The following SLC8A3 variants were observed in gnomAD, a reference collection of about 807,000 sequenced individuals.
SLC8A3 encodes the protein solute carrier family 8 member A3, also known as sodium/calcium exchanger 3.
SLC8A3 carries 37 observed loss-of-function variants against 65.4 expected under a neutral mutation model. The ratio of observed to expected loss-of-function variants is 0.57; its 90% CI spans 0.44 to 0.74. The LOEUF (loss-of-function observed/expected upper bound fraction) is 0.74, where lower values mean the gene tolerates loss of function less well. Ranked by LOEUF, SLC8A3 falls within the 30% of genes least tolerant of loss-of-function variation. The pLI is 0.00. For missense variants in SLC8A3, 1,112 were observed against 1,172.1 expected (o/e 0.95, Z 0.75); for synonymous variants, 461 against 444.5 (o/e 1.04, Z -0.47).
intron 2 of SLC8A3, among the ~76,000 whole-genome samples, chr14:70,069,899 C>T (rs1026530385): frequency 3.5e-4 from 54 of 152,140 alleles, no homozygotes; most frequent in Non-Finnish European, 1.2e-4. Flanking sequence ...TGGGGTGGGG[C>T]CTGAGAGCCT....
intron 2 of SLC8A3, among the ~76,000 whole-genome samples, chr14:70,105,786 GA>G (rs201829206): frequency 4.0e-5 from 6 of 150,930 alleles, no homozygotes; most frequent in East Asian, 1.9e-4. Flanking sequence ...AACCTTACAA[GA>G]AAAAAAAATT....
chr14:70,169,469 A>G (rs1172087872), intron 1 of SLC8A3, among the ~76,000 whole-genome samples: 1 of 152,176 alleles, frequency 6.6e-6, no homozygotes, highest in African/African-American at 2.4e-5. Context: ...TTAATAAAAC[A>G]TGCAAATGTC....
chr14:70,167,980 A>C lies in SLC8A3; in HGVS notation c.443T>G (p.Ile148Arg). Residue 148 changes from isoleucine (I) to arginine (R), a missense_variant, in exon 2 of 7, where the codon ATA (isoleucine) becomes AGA (arginine). Ile to Arg is a moderately conservative substitution (Grantham distance 97). Transcript: ENST00000356921. ...LMALGSSAPE[I>R]LLSLIEVCGH... is the part of the protein sequence containing the mutation. ...ACACACCTCAATTAAAGAGAGGAGT[A>C]TCTCAGGAGCAGAGGAACCCAGGGC... 6.2e-7 allele frequency: 1 copy of C among 1,614,178 alleles called. No homozygotes were observed. The highest frequency in any genetic ancestry group is 8.5e-7 in the Non-Finnish European group (1 of 1,180,006).
intron 2 of SLC8A3, among the ~76,000 whole-genome samples, chr14:70,147,637 T>C (rs906244384): frequency 1.3e-5 from 2 of 152,166 alleles, no homozygotes; most frequent in African/African-American, 4.8e-5. Flanking sequence ...TTAAAAGATG[T>C]GAGAGATTCT....
At chr14:70,186,977 C>T (rs117714532) in intron 1 of SLC8A3, 1 of 152,274 alleles carries the variant, frequency 6.6e-6, no homozygotes. Flanking sequence ...GAAGATTAAT[C>T]ACACGCCGCT....
intron 2 of SLC8A3, among the ~76,000 whole-genome samples, chr14:70,093,663 C>A (rs1326327419): frequency 6.6e-6 from 1 of 152,350 alleles, no homozygotes; most frequent in African/African-American, 2.4e-5. Context: ...TGGCCTCATG[C>A]ACCTTTGTCA....
chr14:70,151,913 C>T (rs1253230223), intron 2 of SLC8A3, among the ~76,000 whole-genome samples: 3 of 152,052 alleles, frequency 2.0e-5, no homozygotes, highest in Non-Finnish European at 4.4e-5. Context: ...AGGGCCCATT[C>T]TAATCTAGTA....
chr14:70,048,388 A>C, intron 6 of SLC8A3: 1 of 553,920 alleles, frequency 1.8e-6, no homozygotes, highest in Non-Finnish European at 3.2e-6. Flanking sequence ...GTCTACTCAC[A>C]TAATGTGGAG....
chr14:70,064,916 A>G (rs540718273), intron 2 of SLC8A3, among the ~76,000 whole-genome samples: 2 of 151,980 alleles, frequency 1.3e-5, no homozygotes, highest in African/African-American at 4.8e-5. Flanking sequence ...GCCTCTCCAG[A>G]TGGTTGCTTA....
chr14:70,174,189 C>T (rs1897722337), intron 1 of SLC8A3, among the ~76,000 whole-genome samples: 1 of 152,216 alleles, frequency 6.6e-6, no homozygotes, highest in South Asian at 2.1e-4. Flanking sequence ...CGAGCAAAGG[C>T]TCAAGGAGGG....
intron 1 of SLC8A3, among the ~76,000 whole-genome samples, chr14:70,169,689 A>AGGGG (rs57845711): frequency 2.7e-5 from 2 of 74,328 alleles, no homozygotes; most frequent in Non-Finnish European, 5.1e-5. Flanking sequence ...AAAAAAAAAA[A>AGGGG]GTGGGGGGGG....
Position 70,046,444 on chromosome 14 carries a change from G to T in SLC8A3, c.2390-121C>A. ...CTGAACCCAGGAATGAGAGACAAGG[G>T]CTAGGGGGCCACTCCTAACTCCTAG... On this transcript the variant is annotated intron_variant, in intron 6 of 6. Transcript: ENST00000356921. This position sits in a 1 kb window ranked among gnomAD's most constrained non-coding sequence, Gnocchi z 4.2. 1.2e-5 allele frequency: 12 copies of T among 995,528 alleles called. No individual in the cohort carries two copies. Among genetic ancestry groups the T allele is most frequent in the Non-Finnish European group, 1.7e-5 (12 of 689,222 alleles). The allele number at this position is 995,528 out of a possible 1,614,324, so 61.7% of individuals were successfully genotyped here.
chr14:70,115,682 A>T (rs2140161307), intron 2 of SLC8A3, among the ~76,000 whole-genome samples: 1 of 152,246 alleles, frequency 6.6e-6, no homozygotes, highest in South Asian at 2.1e-4. Flanking sequence ...CAAATTAAGA[A>T]GTAAGTGTGC....
At chr14:70,050,447 C>G (rs895830367) in intron 5 of SLC8A3, among the ~76,000 whole-genome samples, 23 of 152,140 alleles carry the variant, frequency 1.5e-4, no homozygotes, top group Admixed American at 1.4e-3. Flanking sequence ...CCTGTTCCAA[C>G]CAGCAGTCCC....
At chr14:70,147,527 T>G (rs61978174) in intron 2 of SLC8A3, among the ~76,000 whole-genome samples, 30,506 of 152,074 alleles carry the variant, frequency 0.2, 3,235 homozygotes, top group Middle Eastern at 0.26. Flanking sequence ...ATGGTGAAGG[T>G]ATTTTGCAGA....
chr14:70,169,006 G>A (rs1897332500), intron 1 of SLC8A3, among the ~76,000 whole-genome samples: 1 of 152,078 alleles, frequency 6.6e-6, no homozygotes, highest in Admixed American at 6.5e-5. Flanking sequence ...TGGCCTTCAT[G>A]TTCACTCCAG....
intron 2 of SLC8A3, among the ~76,000 whole-genome samples, chr14:70,098,855 A>T (rs149310757): frequency 6.6e-6 from 1 of 152,218 alleles, no homozygotes; most frequent in Non-Finnish European, 1.5e-5. Context: ...TATCCAAGAA[A>T]GTGCAGAAGA....
chr14:70,116,149 T>C (rs1157333505), intron 2 of SLC8A3, among the ~76,000 whole-genome samples: 1 of 152,132 alleles, frequency 6.6e-6, no homozygotes, highest in Non-Finnish European at 1.5e-5. Context: ...GACTTTGAAC[T>C]TGGATGTAGC....
chr14:70,060,328 C>A (rs895799804), intron 3 of SLC8A3: 3 of 253,848 alleles, frequency 1.2e-5, no homozygotes, highest in African/African-American at 4.6e-5. Context: ...CAGACCCCCC[C>A]ACATTCAATC....
Sources: allele counts gnomAD v4.1 joint callset (sites outside exome capture counted in the v4.1 genomes callset), GRCh38; gene constraint gnomAD v4.1.1; non-coding constraint Gnocchi (gnomAD v3.1); transcripts MANE v1.5; gene names NCBI Gene and HGNC (gene_info 2026-07-23, HGNC 2026-07-21).